HOXB8: variants seen among roughly 807,000 people sequenced by gnomAD.
HOXB8 encodes homeobox protein Hox-B8.
HOXB8 carries 17 observed loss-of-function variants against 22.2 expected under a neutral mutation model. The observed-to-expected ratio is 0.77, with a 90% CI of 0.53 to 1.15. The LOEUF (loss-of-function observed/expected upper bound fraction) is 1.15. Among genes scored for constraint, HOXB8 ranks in the 50% most tolerant of loss-of-function variants. The pLI, the probability that HOXB8 is intolerant of heterozygous loss-of-function variation, is 0.00. For synonymous variants in HOXB8, 156 were observed against 144.6 expected (o/e 1.08, Z -0.57); for missense variants, 287 against 323.8 (o/e 0.89, Z 0.87).
Position 48,614,627 on chromosome 17 carries a change from G to T in HOXB8, c.78C>A (p.Cys26Ter). 6.2e-7 allele frequency: 1 copy of T among 1,609,642 alleles called. No individual in the cohort carries two copies. The highest frequency in any genetic ancestry group is 8.5e-7 in the Non-Finnish European group (1 of 1,177,878). ...GESLRPNYYD[C>*]GFAQDLGGRP... ...GGCCGCCCAGGTCCTGGGCGAAGCC[G>T]CAGTCATAATAATTGGGGCGCAGGG... is the stretch of plus-strand genomic sequence containing the variant. The change falls in exon 1 of 2, where the codon TGC becomes TGA. Residue 26 changes from cysteine to a stop codon, truncating the protein, a stop_gained. Coordinates refer to ENST00000239144, the MANE Select transcript of HOXB8 (RefSeq NM_024016.4). LOFTEE classifies it high-confidence loss of function. The surrounding 1 kb of genome is among the most constrained non-coding windows in gnomAD (Gnocchi z 4.1).
chr17:48,614,459 G>A lies in HOXB8; in HGVS notation c.246C>T (p.Pro82=), dbSNP rs756203173. ...NPCAVACHGD[P]GNFYGYDPLQ... ...GCGGGTCGTAGCCGTAGAAATTGCC[G>A]GGGTCCCCGTGGCACGCCACGGCGC... Residue 82 remains proline, a synonymous_variant, in exon 1 of 2, where the codon CCC becomes CCT. Coordinates refer to ENST00000239144, the MANE Select transcript of HOXB8 (RefSeq NM_024016.4). This position sits in a 1 kb window ranked among gnomAD's most constrained non-coding sequence, Gnocchi z 4.1. 4 of 1,613,980 alleles carry A rather than the reference G, an allele frequency of 2.5e-6. No homozygotes were observed. In the South Asian group the frequency reaches 3.3e-5, roughly 13 times the overall value.
Position 48,614,886 on chromosome 17 carries a change from C to A in HOXB8, c.-182G>T. Reference sequence around the variant, plus strand: ...GGAAAAAAAGAAAAGAAAGAAAAGGCGAAGAAGATCTCGAAGCCGACACAC... The same window carrying A: ...GGAAAAAAAGAAAAGAAAGAAAAGGAGAAGAAGATCTCGAAGCCGACACAC... On this transcript the variant is annotated 5_prime_UTR_variant, in exon 1 of 2. Coordinates refer to ENST00000239144, the MANE Select transcript of HOXB8 (RefSeq NM_024016.4). The surrounding 1 kb of genome is among the most constrained non-coding windows in gnomAD (Gnocchi z 4.1). The A allele has an allele frequency of 5.5e-6, 3 of 548,608 alleles. No homozygotes were observed. The highest frequency in any genetic ancestry group is 7.3e-5 in the Admixed American group (2 of 27,260). The allele number at this position is 548,608 out of a possible 1,614,324, so 34.0% of individuals were successfully genotyped here. A position where few individuals can be genotyped will look rare whatever the true frequency, so the allele number is the denominator to read the frequency against.
Position 48,612,913 on chromosome 17 carries a change from G to C in HOXB8, c.*289C>G, listed in dbSNP as rs2070671123. On this transcript the variant is annotated 3_prime_UTR_variant, in exon 2 of 2. Coordinates refer to ENST00000239144, the MANE Select transcript of HOXB8 (RefSeq NM_024016.4). ...GGAGGGGCATGGGGGGCTCAGCCGG[G>C]CCTTTGCCGCTCGCCCTCACAGGGC... is the stretch of plus-strand genomic sequence containing the variant. The C allele has an allele frequency of 5.9e-6, 1 of 169,964 alleles. No individual in the cohort carries two copies. The highest frequency in any genetic ancestry group is 6.3e-5 in the Admixed American group (1 of 15,806). The allele number at this position is 169,964 out of a possible 1,614,324, so 10.5% of individuals were successfully genotyped here.
Position 48,614,799 on chromosome 17 carries a change from A to C in HOXB8, c.-95T>G. Reference sequence around the variant, plus strand: ...GGGGGAAAGGGAGGGAGAGAGAGAAAAAAACGCGGATTCGCCGGCTCCTAG... The same window carrying C: ...GGGGGAAAGGGAGGGAGAGAGAGAACAAAACGCGGATTCGCCGGCTCCTAG... On this transcript the variant is annotated 5_prime_UTR_variant, in exon 1 of 2. Transcript: ENST00000239144. The surrounding 1 kb of genome is among the most constrained non-coding windows in gnomAD (Gnocchi z 4.1). 3.0e-6 allele frequency: 3 copies of C among 1,005,778 alleles called. No homozygotes were observed. Among genetic ancestry groups the C allele is most frequent in the Non-Finnish European group, 2.7e-6 (2 of 733,112 alleles). The allele number at this position is 1,005,778 out of a possible 1,614,324, so 62.3% of individuals were successfully genotyped here. A position where few individuals can be genotyped will look rare whatever the true frequency, so the allele number is the denominator to read the frequency against.
rs1233088440 is a variant in HOXB8 at position 48,613,494 on chromosome 17, C to T, written c.440G>A (p.Arg147Lys). The change falls in exon 2 of 2, where the codon AGG (arginine) becomes AAG (lysine). Residue 147 changes from arginine to lysine, a missense_variant. Physicochemically the swap from Arg to Lys is conservative, Grantham distance 26. This residue lies in a region of HOXB8 where 229 missense variants were observed against 239.8 expected (regional missense o/e 0.95). Transcript: ENST00000239144. ...GCGGCTGTAGGTCTGTCGGCCTCGC[C>T]TGCGTCCGGCGGCTGCTGGGAATGG... ...WMRPQAAAGR[R>K]RGRQTYSRYQ... The T allele has an allele frequency of 9.1e-6, 12 of 1,319,916 alleles. No homozygotes were observed. The highest frequency in any genetic ancestry group is 1.0e-5 in the Non-Finnish European group (10 of 994,978). The allele number at this position is 1,319,916 out of a possible 1,614,324, so 81.8% of individuals were successfully genotyped here. A position where few individuals can be genotyped will look rare whatever the true frequency, so the allele number is the denominator to read the frequency against.
chr17:48,612,930 T>C lies in HOXB8; in HGVS notation c.*272A>G. 1 of 173,322 alleles carries C rather than the reference T, an allele frequency of 5.8e-6. No individual in the cohort carries two copies. Among genetic ancestry groups the C allele is most frequent in the Non-Finnish European group, 1.2e-5 (1 of 82,396 alleles). 10.7% of individuals were successfully genotyped at this position (173,322 alleles called of 1,614,324 possible). On this transcript the variant is annotated 3_prime_UTR_variant, in exon 2 of 2. Coordinates refer to ENST00000239144, the MANE Select transcript of HOXB8 (RefSeq NM_024016.4). ...TCAGCCGGGCCTTTGCCGCTCGCCCTCACAGGGCGAGGGAGCCTTTGCTTA... is the reference window on the plus strand; with the variant it reads ...TCAGCCGGGCCTTTGCCGCTCGCCCCCACAGGGCGAGGGAGCCTTTGCTTA...
rs985605084 is a variant in HOXB8, at chr17:48,614,982, G to A, written c.-278C>T. ...AGTCTAAGCTTGCATGGCAGCCGCG[G>A]CTCGCTCGCCCTCCCCCCACCCCCC... On this transcript the variant is annotated 5_prime_UTR_variant, in exon 1 of 2. Coordinates refer to ENST00000239144, the MANE Select transcript of HOXB8 (RefSeq NM_024016.4). This position sits in a 1 kb window ranked among gnomAD's most constrained non-coding sequence, Gnocchi z 4.1. 2.5e-4 allele frequency: 77 copies of A among 305,316 alleles called. No homozygotes were observed. Among genetic ancestry groups the A allele is most frequent in the Non-Finnish European group, 4.1e-4 (69 of 167,236 alleles). The allele number at this position is 305,316 out of a possible 1,614,324, so 18.9% of individuals were successfully genotyped here. A position where few individuals can be genotyped will look rare whatever the true frequency, so the allele number is the denominator to read the frequency against.
At position 48,614,794 on chromosome 17, in the gene HOXB8, G is replaced by A; in HGVS notation, c.-90C>T. The A allele has an allele frequency of 1.0e-6, 1 of 991,204 alleles. No individual in the cohort carries two copies. The highest frequency in any genetic ancestry group is 2.0e-5 in the South Asian group (1 of 50,000). 61.4% of individuals were successfully genotyped at this position (991,204 alleles called of 1,614,324 possible). A position where few individuals can be genotyped will look rare whatever the true frequency, so the allele number is the denominator to read the frequency against. ...GGGGAGGGGGAAAGGGAGGGAGAGA[G>A]AGAAAAAAACGCGGATTCGCCGGCT... On this transcript the variant is annotated 5_prime_UTR_variant, in exon 1 of 2. Transcript: ENST00000239144. This position sits in a 1 kb window ranked among gnomAD's most constrained non-coding sequence, Gnocchi z 4.1.
At position 48,614,384 on chromosome 17, in the gene HOXB8, G is replaced by A. The variant is rs1310906372; in HGVS notation, c.321C>T (p.Tyr107=). Residue 107 remains tyrosine, a synonymous_variant, in exon 1 of 2, where the codon TAC becomes TAT. Transcript: ENST00000239144. This position sits in a 1 kb window ranked among gnomAD's most constrained non-coding sequence, Gnocchi z 4.1. The part of the protein sequence containing the change: ...FGAQDPDLVQ[Y]ADCKLAAASG... ...TGGCGGCGGCAAGCTTGCAGTCTGC[G>A]TACTGCACCAGGTCTGGATCCTGCG... is the stretch of plus-strand genomic sequence containing the variant. 4 of 1,612,014 alleles carry A rather than the reference G, an allele frequency of 2.5e-6. No individual in the cohort carries two copies. Among genetic ancestry groups the A allele is most frequent in the Non-Finnish European group, 3.4e-6 (4 of 1,179,736 alleles).
In HOXB8 at chr17:48,614,379, T is replaced by TCTGCGTACTGCACCAGGTCTGGATC; in HGVS notation, c.301_325dup (p.Asp109GlyfsTer68). On this transcript the variant is annotated frameshift_variant, in exon 1 of 2. Coordinates refer to ENST00000239144, the MANE Select transcript of HOXB8 (RefSeq NM_024016.4). LOFTEE classifies it high-confidence loss of function. The surrounding 1 kb of genome is among the most constrained non-coding windows in gnomAD (Gnocchi z 4.1). ...GCCGCTGGCGGCGGCAAGCTTGCAGTCTGCGTACTGCACCAGGTCTGGATC... is the reference window on the plus strand; with the variant it reads ...GCCGCTGGCGGCGGCAAGCTTGCAGTCTGCGTACTGCACCAGGTCTGGATCCTGCGTACTGCACCAGGTCTGGATC... The TCTGCGTACTGCACCAGGTCTGGATC allele has an allele frequency of 6.2e-7, 1 of 1,611,468 alleles. No individual in the cohort carries two copies. Among genetic ancestry groups the TCTGCGTACTGCACCAGGTCTGGATC allele is most frequent in the Admixed American group, 1.7e-5 (1 of 59,988 alleles).
At position 48,613,420 on chromosome 17, in the gene HOXB8, T is replaced by A; in HGVS notation, c.514A>T (p.Thr172Ser). 6.2e-7 allele frequency: 1 copy of A among 1,613,366 alleles called. No individual in the cohort carries two copies. Among genetic ancestry groups the A allele is most frequent in the African/African-American group, 1.3e-5 (1 of 74,778 alleles). Residue 172 changes from threonine to serine, a missense_variant, in exon 2 of 2, where the codon ACT becomes TCT. Thr to Ser is a moderately conservative substitution (Grantham distance 58, BLOSUM62 1). Transcript: ENST00000239144. ...EKEFLFNPYLTRKRRIEVSHA... is the reference protein window; with the variant it reads ...EKEFLFNPYLSRKRRIEVSHA... The stretch of plus-strand genomic sequence containing the variant: ...GATACCTCGATTCGCCGCTTACGAG[T>A]CAGATAGGGATTAAATAGGAACTCC...
rs781730145 is a variant in HOXB8 at position 48,613,251 on chromosome 17, G to A, written c.683C>T (p.Ala228Val). 1.1e-5 allele frequency: 18 copies of A among 1,613,508 alleles called. No homozygotes were observed. The Admixed American group carries it at 2.7e-4, about 24-fold the overall frequency. The part of the protein sequence containing the change: ...EELEKQKLER[A>V]PEAADEGDAQ... Reference sequence around the variant, plus strand: ...GTCGCCCTCGTCCGCCGCCTCTGGGGCCCGCTCCAGCTTCTGTTTCTCCAG... The same window carrying A: ...GTCGCCCTCGTCCGCCGCCTCTGGGACCCGCTCCAGCTTCTGTTTCTCCAG... Residue 228 changes from alanine (A) to valine (V), a missense_variant, in exon 2 of 2, where the codon GCC becomes GTC. By Grantham distance (64) the Ala-to-Val change is moderately conservative (BLOSUM62 0). Coordinates refer to ENST00000239144, the MANE Select transcript of HOXB8 (RefSeq NM_024016.4).
At position 48,614,667 on chromosome 17, in the gene HOXB8, T is replaced by G; in HGVS notation, c.38A>C (p.Tyr13Ser). The G allele has an allele frequency of 6.2e-7, 1 of 1,603,674 alleles. No individual in the cohort carries two copies. The highest frequency in any genetic ancestry group is 8.5e-7 in the Non-Finnish European group (1 of 1,174,724). Residue 13 changes from tyrosine to serine, a missense_variant, in exon 1 of 2, where the codon TAC (tyrosine) becomes TCC (serine). Tyr to Ser is a moderately radical substitution (Grantham distance 144). This residue lies in a region of HOXB8 where 229 missense variants were observed against 239.8 expected (regional missense o/e 0.95). Coordinates refer to ENST00000239144, the MANE Select transcript of HOXB8 (RefSeq NM_024016.4). The surrounding 1 kb of genome is among the most constrained non-coding windows in gnomAD (Gnocchi z 4.1). Reference protein sequence around the residue: ...SYFVNSLFSKYKTGESLRPNY... With the variant: ...SYFVNSLFSKSKTGESLRPNY... ...GGGGCGCAGGGACTCCCCGGTTTTG[T>G]ATTTGGAGAACAGTGAGTTGACGAA...
chr17:48,613,537 AGGGGAGGGGAGGGTGGGGGAGG>A, intron 1 of HOXB8, 28 bp from the exon 2 acceptor site: 2 of 108,578 alleles, frequency 1.8e-5, no homozygotes, highest in Non-Finnish European at 3.5e-5. Context: ...GGCGAGACAG[AGGGGAGGGGAGGGTGGGGGAGG>A]GGGCAGGGAC....
chr17:48,614,401 G>C lies in HOXB8; in HGVS notation c.304C>G (p.Pro102Ala). 2 of 1,613,438 alleles carry C rather than the reference G, an allele frequency of 1.2e-6. No homozygotes were observed. Among genetic ancestry groups the C allele is most frequent in the Non-Finnish European group, 1.7e-6 (2 of 1,179,880 alleles). ...QRQSLFGAQD[P>A]DLVQYADCKL... ...CAGTCTGCGTACTGCACCAGGTCTG[G>C]ATCCTGCGCACCGAATAGGCTCTGG... is the stretch of plus-strand genomic sequence containing the variant. The change falls in exon 1 of 2, where the codon CCA becomes GCA. Residue 102 changes from proline (P) to alanine (A), a missense_variant. Coordinates refer to ENST00000239144, the MANE Select transcript of HOXB8 (RefSeq NM_024016.4). This position sits in a 1 kb window ranked among gnomAD's most constrained non-coding sequence, Gnocchi z 4.1.
chr17:48,613,297 T>C lies in HOXB8; in HGVS notation c.637A>G (p.Ser213Gly), dbSNP rs1258056820. The C allele has an allele frequency of 1.2e-6, 2 of 1,614,030 alleles. No individual in the cohort carries two copies. Among genetic ancestry groups the C allele is most frequent in the Non-Finnish European group, 1.7e-6 (2 of 1,179,970 alleles). The change falls in exon 2 of 2, where the codon AGC becomes GGC. Residue 213 changes from serine to glycine, a missense_variant. Transcript: ENST00000239144. ...TCCAGCTCCTCCTGCTCGCATTTGC[T>C]GCTGGGGAACTTGTCTTTGTTGTTC... ...KENNKDKFPS[S>G]KCEQEELEKQ...
chr17:48,613,971 C>T (rs951563810), intron 1 of HOXB8, among the ~76,000 whole-genome samples: 5 of 151,890 alleles, frequency 3.3e-5, no homozygotes, highest in African/African-American at 9.7e-5. Flanking sequence ...AAGTTGAGCG[C>T]CCCCACTCCC....
In HOXB8 at chr17:48,613,527, G is replaced by A. The variant is rs968980855; in HGVS notation, c.425-18C>T. 4 of 1,475,550 alleles carry A rather than the reference G, an allele frequency of 2.7e-6. No individual in the cohort carries two copies. Among genetic ancestry groups the A allele is most frequent in the African/African-American group, 2.8e-5 (2 of 71,524 alleles). The allele number at this position is 1,475,550 out of a possible 1,614,324, so 91.4% of individuals were successfully genotyped here. The stretch of plus-strand genomic sequence containing the variant: ...GGCGGCTGCTGGGAATGGGGGAAAG[G>A]GCGAGACAGAGGGGAGGGGAGGGTG... On this transcript the variant is annotated intron_variant, in intron 1 of 1. Transcript: ENST00000239144.
Position 48,613,116 on chromosome 17 carries a change from T to C in HOXB8, c.*86A>G. ...CTGGCCCCGCTAGCGGGGCCAGAGC[T>C]CTCTCGGGCAGGGGCGCGCGGCGGC... On this transcript the variant is annotated 3_prime_UTR_variant, in exon 2 of 2. Transcript: ENST00000239144. 1 of 945,988 alleles carries C rather than the reference T, an allele frequency of 1.1e-6. No individual in the cohort carries two copies. Among genetic ancestry groups the C allele is most frequent in the Non-Finnish European group, 1.3e-6 (1 of 750,490 alleles). The allele number at this position is 945,988 out of a possible 1,614,324, so 58.6% of individuals were successfully genotyped here.
Sources: gnomAD v4.1 joint callset for allele counts (sites outside exome capture counted in the v4.1 genomes callset) on GRCh38, gnomAD v4.1.1 for gene constraint, gnomAD v4.1.1 regional missense constraint, Gnocchi (gnomAD v3.1) non-coding constraint, MANE v1.5 for transcripts, NCBI Gene and HGNC (gene_info 2026-07-23, HGNC 2026-07-21) for gene names.